The following REEP3 variants were observed in gnomAD, a reference collection of about 807,000 sequenced individuals.
REEP3 encodes the protein receptor expression-enhancing protein 3.
A neutral mutation model predicts 41.3 loss-of-function variants in REEP3; 20 were observed. The ratio of observed to expected loss-of-function variants is 0.48; its 90% CI spans 0.34 to 0.70. The LOEUF (loss-of-function observed/expected upper bound fraction) is 0.70, where lower values mean the gene tolerates loss of function less well. REEP3 is among the 30% of genes least tolerant of loss of function. REEP3 has a pLI of 0.01. For missense variants in REEP3, 271 were observed against 308.8 expected, an observed-to-expected ratio of 0.88 and a Z score of 0.92; for synonymous variants, 104 against 101.8, an observed-to-expected ratio of 1.02 and a Z score of -0.13.
In REEP3 at chr10:63,606,126, A is replaced by G; in HGVS notation, c.418-4061A>G. ...TGTTAGGATCAATTTTAACATACAC[A>G]GAGTACAGACAATTCTGCAGAGAAT... On this transcript the variant is annotated intron_variant, in intron 5 of 7. Transcript: ENST00000373758. 3 of 959,690 alleles carry G rather than the reference A, an allele frequency of 3.1e-6. 1 individual carries two copies. In the Middle Eastern group the frequency reaches 1.6e-3, roughly 513 times the overall value. The allele number at this position is 959,690 out of a possible 1,614,324, so 59.4% of individuals were successfully genotyped here. A position where few individuals can be genotyped will look rare whatever the true frequency, so the allele number is the denominator to read the frequency against.
At position 63,621,964 on chromosome 10, in the gene REEP3, A is replaced by G. The variant is rs1477694756; in HGVS notation, c.*1095A>G. The G allele has an allele frequency of 2.6e-5, 4 of 152,238 alleles. No homozygotes were observed. The highest frequency in any genetic ancestry group is 2.1e-4 in the South Asian group (1 of 4,836). 9.4% of individuals were successfully genotyped at this position (152,238 alleles called of 1,614,324 possible). On this transcript the variant is annotated 3_prime_UTR_variant, in exon 8 of 8. Coordinates refer to ENST00000373758, the MANE Select transcript of REEP3 (RefSeq NM_001001330.3). ...TTTGCCAATGCAAAATACAGTTGTC[A>G]TTAATCCTGCACATTAGAAATTATT...
Position 63,619,753 on chromosome 10 carries a change from A to C in REEP3, c.664A>C (p.Arg222=). The change falls in exon 7 of 8, where the codon AGA becomes CGA. Residue 222 remains arginine (R), a synonymous_variant. Coordinates refer to ENST00000373758, the MANE Select transcript of REEP3 (RefSeq NM_001001330.3). ...GATGTTAACACACAAAGGGCTTCGA[A>C]GATCGCAAAGCATGAAATCTGTGAA... is the stretch of plus-strand genomic sequence containing the variant. ...NEMLTHKGLR[R]SQSMKSVKTT... 1 of 1,610,010 alleles carries C rather than the reference A, an allele frequency of 6.2e-7. No homozygotes were observed. Among genetic ancestry groups the C allele is most frequent in the Non-Finnish European group, 8.5e-7 (1 of 1,178,122 alleles).
At chr10:63,600,264 G>A (rs1482942445) in intron 5 of REEP3, among the ~76,000 whole-genome samples, 8 of 152,128 alleles carry the variant, frequency 5.3e-5, no homozygotes, top group African/African-American at 1.7e-4. Flanking sequence ...TCACTTTTCA[G>A]AGAGGTCTTT....
intron 1 of REEP3, among the ~76,000 whole-genome samples, chr10:63,531,443 G>A (rs998304530): frequency 1.3e-5 from 2 of 152,114 alleles, no homozygotes; most frequent in African/African-American, 4.8e-5. Flanking sequence ...GTCACCTAGT[G>A]GGCAAAACTG....
At chr10:63,556,240 C>A (rs966176601) in intron 1 of REEP3, among the ~76,000 whole-genome samples, 3 of 152,082 alleles carry the variant, frequency 2.0e-5, no homozygotes, top group African/African-American at 7.2e-5. Context: ...CTCAGCCTCC[C>A]AAGTAGCTGG....
intron 1 of REEP3, among the ~76,000 whole-genome samples, chr10:63,560,285 A>T (rs1283276982): frequency 2.6e-5 from 4 of 152,160 alleles, no homozygotes; most frequent in Non-Finnish European, 5.9e-5. Flanking sequence ...GTGCTTTGTA[A>T]CCTGTTTAAA....
At chr10:63,525,779 C>G (rs1483157044) in intron 1 of REEP3, among the ~76,000 whole-genome samples, 1 of 152,166 alleles carries the variant, frequency 6.6e-6, no homozygotes, top group Non-Finnish European at 1.5e-5. Context: ...CCACACCTCA[C>G]CTTTTGAAAC....
intron 2 of REEP3, among the ~76,000 whole-genome samples, chr10:63,575,818 C>G (rs951892878): frequency 3.3e-5 from 5 of 152,228 alleles, no homozygotes; most frequent in African/African-American, 1.2e-4. Context: ...ACCGCAACCT[C>G]TGCCTCCCAG....
chr10:63,548,114 G>A (rs1955595333), intron 1 of REEP3, among the ~76,000 whole-genome samples: 1 of 152,150 alleles, frequency 6.6e-6, no homozygotes, highest in Admixed American at 6.5e-5. Flanking sequence ...TGTTCAGCGG[G>A]GACTGGAAGT....
At chr10:63,596,403 A>T (rs1956115649) in intron 3 of REEP3, among the ~76,000 whole-genome samples, 1 of 150,708 alleles carries the variant, frequency 6.6e-6, no homozygotes, top group Non-Finnish European at 1.5e-5. Context: ...TATGTTATTT[A>T]AAAATGAACG....
intron 1 of REEP3, among the ~76,000 whole-genome samples, chr10:63,530,303 A>G (rs1276357848): frequency 6.6e-6 from 1 of 152,064 alleles, no homozygotes; most frequent in Non-Finnish European, 1.5e-5. Flanking sequence ...TAGCTAAAAT[A>G]TTTTCTTTCA....
At chr10:63,596,883 T>A (rs1255051732) in intron 3 of REEP3, among the ~76,000 whole-genome samples, 1 of 152,090 alleles carries the variant, frequency 6.6e-6, no homozygotes, top group Non-Finnish European at 1.5e-5. Flanking sequence ...GCTGAAGCAA[T>A]CCTCCCAGTT....
chr10:63,552,255 A>AG (rs35017592), intron 1 of REEP3, among the ~76,000 whole-genome samples: 1 of 151,788 alleles, frequency 6.6e-6, no homozygotes, highest in Non-Finnish European at 1.5e-5. Flanking sequence ...ATACAAAAAA[A>AG]AAAAAATTAG....
chr10:63,597,922 A>G lies in REEP3; in HGVS notation c.183-102A>G, dbSNP rs1030037736. The G allele has an allele frequency of 1.8e-5, 19 of 1,070,472 alleles. No homozygotes were observed. The Middle Eastern group carries it at 1.3e-3, about 75-fold the overall frequency. The allele number at this position is 1,070,472 out of a possible 1,614,324, so 66.3% of individuals were successfully genotyped here. A position where few individuals can be genotyped will look rare whatever the true frequency, so the allele number is the denominator to read the frequency against. ...AACTCCATCTCAAAAAAAAAAAAAC[A>G]AAAAACAGCATAGTGACTGAACTTT... On this transcript the variant is annotated intron_variant, in intron 3 of 7. Coordinates refer to ENST00000373758, the MANE Select transcript of REEP3 (RefSeq NM_001001330.3).
chr10:63,536,966 A>G (rs1955480373), intron 1 of REEP3, among the ~76,000 whole-genome samples: 1 of 152,220 alleles, frequency 6.6e-6, no homozygotes, highest in African/African-American at 2.4e-5. Context: ...TATAGTGTTA[A>G]TCACTCACAT....
chr10:63,595,111 G>C (rs764805701), intron 3 of REEP3, among the ~76,000 whole-genome samples: 1 of 152,158 alleles, frequency 6.6e-6, no homozygotes, highest in Non-Finnish European at 1.5e-5. Flanking sequence ...TTGGAATAGG[G>C]AAAGTTGATT....
rs1455385780 is a variant in REEP3 at position 63,592,618 on chromosome 10, C to T, written c.106-2160C>T. 5.3e-5 allele frequency among the ~76,000 whole-genome samples: 8 copies of T among 152,254 alleles called. No homozygotes were observed. The East Asian group carries it at 1.4e-3, about 26-fold the overall frequency. ...AAAAGATAACCTTATGGGCCGGGCGCGGTGGCTCATGCCTGTAATCCCAGC... is the reference window on the plus strand; with the variant it reads ...AAAAGATAACCTTATGGGCCGGGCGTGGTGGCTCATGCCTGTAATCCCAGC... On this transcript the variant is annotated intron_variant, in intron 2 of 7. Coordinates refer to ENST00000373758, the MANE Select transcript of REEP3 (RefSeq NM_001001330.3).
intron 1 of REEP3, among the ~76,000 whole-genome samples, chr10:63,528,936 T>A (rs1228065066): frequency 6.6e-6 from 1 of 152,230 alleles, no homozygotes. Flanking sequence ...TTCTTTAACC[T>A]ATCATCTGTC....
chr10:63,524,084 T>G (rs1005183212), intron 1 of REEP3, among the ~76,000 whole-genome samples: 10 of 152,166 alleles, frequency 6.6e-5, no homozygotes, highest in Admixed American at 3.3e-4. Flanking sequence ...TGTCAGGAAC[T>G]GTTATTTTGT....
Sources: gnomAD v4.1 joint callset for allele counts (sites outside exome capture counted in the v4.1 genomes callset) on GRCh38, gnomAD v4.1.1 for gene constraint, MANE v1.5 for transcripts, NCBI Gene and HGNC (gene_info 2026-07-23, HGNC 2026-07-21) for gene names.